The following ATXN1 variants were observed in gnomAD, a reference collection of about 807,000 sequenced individuals.
ATXN1 encodes the protein ataxin 1.
In ATXN1, 8 loss-of-function variants were observed where a neutral mutation model predicts 56.4. The ratio of observed to expected loss-of-function variants is 0.14; its 90% CI spans 0.08 to 0.26. The LOEUF is 0.26. Among genes scored for constraint, ATXN1 ranks in the 10% least tolerant of loss-of-function variants. The pLI, the probability that ATXN1 is intolerant of heterozygous loss-of-function variation, is 1.00. For missense variants in ATXN1, 987 were observed against 1,106.5 expected (o/e 0.89, Z 1.53); for synonymous variants, 514 against 494.6 (o/e 1.04, Z -0.52).
chr6:16,355,842 G>T (rs1174615613), intron 6 of ATXN1, among the ~76,000 whole-genome samples: 3 of 152,024 alleles, frequency 2.0e-5, no homozygotes, highest in Non-Finnish European at 4.4e-5. Flanking sequence ...GGGATTACAG[G>T]CGTGAGGCAC....
At chr6:16,556,591 G>A (rs1235062640) in intron 4 of ATXN1, among the ~76,000 whole-genome samples, 2 of 152,070 alleles carry the variant, frequency 1.3e-5, no homozygotes, top group East Asian at 3.8e-4. Context: ...TTTCCAAAAC[G>A]TTTTCTACTC....
intron 3 of ATXN1, among the ~76,000 whole-genome samples, chr6:16,655,252 G>C (rs1758171138): frequency 6.6e-6 from 1 of 152,174 alleles, no homozygotes; most frequent in Non-Finnish European, 1.5e-5. Flanking sequence ...CAGGCACAGT[G>C]GTGCATGCCT....
At chr6:16,582,548 T>C (rs962932540) in intron 4 of ATXN1, among the ~76,000 whole-genome samples, 1 of 152,192 alleles carries the variant, frequency 6.6e-6, no homozygotes, top group Non-Finnish European at 1.5e-5. Context: ...CTTTGCGAAC[T>C]AAGATTTCAA....
chr6:16,341,786 TG>T (rs1309299940), intron 6 of ATXN1, among the ~76,000 whole-genome samples: 2 of 151,768 alleles, frequency 1.3e-5, no homozygotes, highest in Admixed American at 1.3e-4. Context: ...CCCAAAGTAC[TG>T]GGATTATAGG....
At chr6:16,440,301 A>G (rs964206624) in intron 6 of ATXN1, among the ~76,000 whole-genome samples, 1 of 152,112 alleles carries the variant, frequency 6.6e-6, no homozygotes, top group Non-Finnish European at 1.5e-5. Context: ...TTGATATTTC[A>G]AAAGAGCTAA....
intron 4 of ATXN1, among the ~76,000 whole-genome samples, chr6:16,574,649 A>T (rs1762390079): frequency 6.6e-6 from 1 of 152,140 alleles, no homozygotes; most frequent in Non-Finnish European, 1.5e-5. Flanking sequence ...AGATTTACAG[A>T]AAGCGGCAAA....
chr6:16,679,993 A>G (rs1428722138), intron 2 of ATXN1, among the ~76,000 whole-genome samples: 1 of 152,230 alleles, frequency 6.6e-6, no homozygotes, highest in East Asian at 1.9e-4. Context: ...TTGCTATATT[A>G]TCTGCCTTTT....
intron 5 of ATXN1, among the ~76,000 whole-genome samples, chr6:16,491,999 CA>C (rs897008920): frequency 4.6e-5 from 7 of 152,022 alleles, no homozygotes; most frequent in African/African-American, 1.7e-4. Context: ...AAACTAAATA[CA>C]AAAAACCATG....
intron 3 of ATXN1, among the ~76,000 whole-genome samples, chr6:16,606,867 T>TGTGTGTGTGTGTGTGTGTGTGTGTGTGTG (rs1554119511): frequency 2.8e-4 from 35 of 126,806 alleles, no homozygotes; most frequent in East Asian, 8.1e-4. Context: ...GTTCCATGAG[T>TGTGTGTGTGTGTGTGTGTGTGTGTGTGTG]TGTGTGTGTG....
intron 6 of ATXN1, among the ~76,000 whole-genome samples, chr6:16,441,064 T>C (rs530820388): frequency 8.5e-5 from 13 of 152,110 alleles, no homozygotes; most frequent in South Asian, 2.1e-4. Flanking sequence ...AGCAGCATCA[T>C]TGGCAAGGGG....
At chr6:16,643,009 C>T (rs909178818) in intron 3 of ATXN1, among the ~76,000 whole-genome samples, 1 of 152,134 alleles carries the variant, frequency 6.6e-6, no homozygotes, top group Non-Finnish European at 1.5e-5. Flanking sequence ...GTGGCTCATG[C>T]CTGTAATCCC....
intron 6 of ATXN1, among the ~76,000 whole-genome samples, chr6:16,346,929 A>G (rs1761411928): frequency 1.3e-5 from 2 of 152,224 alleles, no homozygotes; most frequent in Admixed American, 6.5e-5. Context: ...CTTGTGGGCC[A>G]GCGCGCGTTC....
intron 2 of ATXN1, among the ~76,000 whole-genome samples, chr6:16,714,453 T>C (rs1759597961): frequency 6.6e-6 from 1 of 152,218 alleles, no homozygotes; most frequent in South Asian, 2.1e-4. Context: ...TTTGTGATTG[T>C]TTTCCTTTTG....
Position 16,434,983 on chromosome 6 carries a change from A to G in ATXN1, c.-161+50989T>C, listed in dbSNP as rs748075132. Reference sequence around the variant, plus strand: ...GACTAGAATGGTGATAGTGGGCCGGAAGAGAGAGAGTGCATTCGAAAGACA... The same window carrying G: ...GACTAGAATGGTGATAGTGGGCCGGGAGAGAGAGAGTGCATTCGAAAGACA... On this transcript the variant is annotated intron_variant, in intron 6 of 7. Transcript: ENST00000436367. 4.6e-4 allele frequency among the ~76,000 whole-genome samples: 70 copies of G among 152,290 alleles called. No individual in the cohort carries two copies. In the Middle Eastern group the frequency reaches 0.014, roughly 30 times the overall value.
chr6:16,568,157 A>G (rs1267207810), intron 4 of ATXN1, among the ~76,000 whole-genome samples: 1 of 152,252 alleles, frequency 6.6e-6, no homozygotes, highest in Non-Finnish European at 1.5e-5. Flanking sequence ...GGACTGTGCA[A>G]AAGATTTTCA....
At chr6:16,392,194 G>T (rs750011855) in intron 6 of ATXN1, among the ~76,000 whole-genome samples, 3 of 152,224 alleles carry the variant, frequency 2.0e-5, no homozygotes, top group African/African-American at 4.8e-5. Context: ...ACAGATGGCT[G>T]CTGTCAGGCT....
At chr6:16,510,266 G>A (rs1269769581) in intron 5 of ATXN1, among the ~76,000 whole-genome samples, 1 of 152,094 alleles carries the variant, frequency 6.6e-6, no homozygotes, top group Non-Finnish European at 1.5e-5. Flanking sequence ...ATCTCAGACC[G>A]ACAGGATCAG....
intron 5 of ATXN1, among the ~76,000 whole-genome samples, chr6:16,516,763 C>G (rs1007725350): frequency 6.6e-6 from 1 of 152,184 alleles, no homozygotes; most frequent in Admixed American, 6.5e-5. Flanking sequence ...TTGTGCTAGG[C>G]TTTATATTTA....
rs750358073 is a variant in ATXN1, at chr6:16,328,146, G to A, written c.165C>T (p.His55=). The part of the protein sequence containing the change: ...WLPGNPGGRG[H]GGGRHGPAGT... ...CTGCCGGCCCATGCCTCCCGCCCCC[G>A]TGGCCCCGGCCACCAGGGTTGCCCG... Residue 55 remains histidine (H), a synonymous_variant, in exon 7 of 8, where the codon CAC becomes CAT. Transcript: ENST00000436367. The surrounding 1 kb of genome is among the most constrained non-coding windows in gnomAD (Gnocchi z 6.2). The A allele has an allele frequency of 3.0e-5, 47 of 1,581,382 alleles. No individual in the cohort carries two copies. Among genetic ancestry groups the A allele is most frequent in the South Asian group, 1.3e-4 (11 of 86,488 alleles).
Sources: allele counts gnomAD v4.1 joint callset (sites outside exome capture counted in the v4.1 genomes callset), GRCh38; gene constraint gnomAD v4.1.1; non-coding constraint Gnocchi (gnomAD v3.1); transcripts MANE v1.5; gene names NCBI Gene and HGNC (gene_info 2026-07-23, HGNC 2026-07-21).